Variants in CNTN5 observed in about 807,000 individuals in gnomAD.
The protein encoded by CNTN5 is contactin-5.
CNTN5 carries 77 observed loss-of-function variants against 129.1 expected under a neutral mutation model. The observed-to-expected ratio is 0.60, with a 90% CI of 0.50 to 0.72. The LOEUF is 0.72. Ranked by LOEUF, CNTN5 falls within the 30% of genes least tolerant of loss-of-function variation. The pLI is 0.00. For synonymous variants in CNTN5, 509 were observed against 465.6 expected (o/e 1.09, Z -1.20); for missense variants, 1,478 against 1,328.8 (o/e 1.11, Z -1.75).
intron 2 of CNTN5, among the ~76,000 whole-genome samples, chr11:99,339,123 A>G (rs1866395071): frequency 6.6e-6 from 1 of 151,628 alleles, no homozygotes; most frequent in Admixed American, 6.6e-5. Context: ...GCATGCCTAT[A>G]TTACAACATC....
intron 17 of CNTN5, among the ~76,000 whole-genome samples, chr11:100,268,494 G>C (rs1217749344): frequency 6.6e-6 from 1 of 152,044 alleles, no homozygotes; most frequent in Non-Finnish European, 1.5e-5. Flanking sequence ...GAAAATAAAG[G>C]AATAAAGCCT....
At chr11:99,744,023 A>G (rs2135174553) in intron 3 of CNTN5, among the ~76,000 whole-genome samples, 1 of 152,278 alleles carries the variant, frequency 6.6e-6, no homozygotes, top group East Asian at 1.9e-4. Context: ...GCAATGTGAA[A>G]AATTTCAACC....
chr11:100,196,030 G>A (rs1329023319), intron 15 of CNTN5, among the ~76,000 whole-genome samples: 1 of 151,976 alleles, frequency 6.6e-6, no homozygotes, highest in Non-Finnish European at 1.5e-5. Flanking sequence ...ATGGGGCTGA[G>A]AAGAGAGCCA....
chr11:99,975,397 G>GT lies in CNTN5; in HGVS notation c.877+18389dup, dbSNP rs550179752. On this transcript the variant is annotated intron_variant, in intron 8 of 24. Coordinates refer to ENST00000524871, the MANE Select transcript of CNTN5 (RefSeq NM_014361.4). ...GAAAGGGAGCATTTACCCAGTGCCT[G>GT]TACCCATATTGTGAGCTCTAAGCTT... Among the ~76,000 whole-genome samples, 6 of 152,144 alleles carry GT rather than the reference G, an allele frequency of 3.9e-5. No individual in the cohort carries two copies. The South Asian group carries it at 1.0e-3, about 26-fold the overall frequency.
At chr11:99,916,556 C>T (rs184046354) in intron 7 of CNTN5, among the ~76,000 whole-genome samples, 1 of 152,238 alleles carries the variant, frequency 6.6e-6, no homozygotes. Context: ...GTTTATGGTG[C>T]TCTTTGCCAC....
chr11:99,789,507 A>G lies in CNTN5; in HGVS notation c.56-30037A>G, dbSNP rs148872284. Among the ~76,000 whole-genome samples the G allele has an allele frequency of 2.6e-3, 396 of 152,174 alleles. 1 individual carries two copies. Among genetic ancestry groups the G allele is most frequent in the Non-Finnish European group, 2.8e-3 (190 of 67,890 alleles). On this transcript the variant is annotated intron_variant, in intron 3 of 24. Coordinates refer to ENST00000524871, the MANE Select transcript of CNTN5 (RefSeq NM_014361.4). Reference sequence around the variant, plus strand: ...CTATCATGGAATAAACTGACAAAATATTGCATACCTTACTGTAGATGTAAT... The same window carrying G: ...CTATCATGGAATAAACTGACAAAATGTTGCATACCTTACTGTAGATGTAAT...
chr11:99,518,605 G>A (rs1947149669), intron 2 of CNTN5, among the ~76,000 whole-genome samples: 1 of 151,980 alleles, frequency 6.6e-6, no homozygotes, highest in African/African-American at 2.4e-5. Context: ...GTTCTCCAGG[G>A]CAATATGGCA....
At chr11:99,306,720 C>A (rs1325901593) in intron 1 of CNTN5, among the ~76,000 whole-genome samples, 1 of 148,668 alleles carries the variant, frequency 6.7e-6, no homozygotes, top group Non-Finnish European at 1.5e-5. Context: ...GGCGACAGAG[C>A]AAGACTCCGT....
chr11:99,757,010 A>G (rs1039405342), intron 3 of CNTN5, among the ~76,000 whole-genome samples: 1 of 151,840 alleles, frequency 6.6e-6, no homozygotes, highest in Admixed American at 6.6e-5. Context: ...TGTCATATAT[A>G]TCACAATATG....
chr11:99,946,249 A>C (rs1185287717), intron 7 of CNTN5, among the ~76,000 whole-genome samples: 1 of 152,284 alleles, frequency 6.6e-6, no homozygotes, highest in South Asian at 2.1e-4. Context: ...CCTGGGTTCC[A>C]AGAAAATTAT....
chr11:99,099,058 G>A (rs957783420), intron 1 of CNTN5, among the ~76,000 whole-genome samples: 3 of 152,070 alleles, frequency 2.0e-5, no homozygotes, highest in African/African-American at 7.2e-5. Flanking sequence ...ACTACAAAAT[G>A]GCTTATTTTG....
chr11:99,615,262 G>A (rs1317013165), intron 3 of CNTN5, among the ~76,000 whole-genome samples: 1 of 151,728 alleles, frequency 6.6e-6, no homozygotes, highest in Admixed American at 6.6e-5. Context: ...TTGTTATTGG[G>A]CTCTAATTGT....
At chr11:100,327,507 G>A (rs34844237) in intron 21 of CNTN5, among the ~76,000 whole-genome samples, 23 of 152,080 alleles carry the variant, frequency 1.5e-4, no homozygotes, top group South Asian at 4.1e-4. Context: ...CCCTGCCCAC[G>A]GAGTCCTATC....
chr11:99,216,211 T>C (rs887344635), intron 1 of CNTN5, among the ~76,000 whole-genome samples: 3 of 152,144 alleles, frequency 2.0e-5, no homozygotes, highest in Non-Finnish European at 4.4e-5. Flanking sequence ...ATAAGTCCAG[T>C]ATTTTTTAGT....
At chr11:99,682,939 T>G (rs1180425312) in intron 3 of CNTN5, among the ~76,000 whole-genome samples, 1 of 151,868 alleles carries the variant, frequency 6.6e-6, no homozygotes, top group Non-Finnish European at 1.5e-5. Context: ...ATACAGAACA[T>G]AAACTTCAGT....
intron 13 of CNTN5, among the ~76,000 whole-genome samples, chr11:100,165,152 T>C (rs1304443473): frequency 6.6e-6 from 1 of 151,674 alleles, no homozygotes; most frequent in East Asian, 1.9e-4. Flanking sequence ...GAGGCAATTT[T>C]GGAAACATTA....
intron 9 of CNTN5, among the ~76,000 whole-genome samples, chr11:100,043,124 C>T (rs1591117816): frequency 1.3e-5 from 2 of 152,134 alleles, no homozygotes; most frequent in South Asian, 4.1e-4. Flanking sequence ...TAAAATCTTA[C>T]TATGCTCTCA....
chr11:100,294,493 C>G (rs181578000), intron 18 of CNTN5, among the ~76,000 whole-genome samples: 1 of 151,718 alleles, frequency 6.6e-6, no homozygotes, highest in Admixed American at 6.6e-5. Flanking sequence ...GAGCTTTGCT[C>G]AGAAAGAAAT....
chr11:99,473,641 A>T (rs904521999), intron 2 of CNTN5, among the ~76,000 whole-genome samples: 9 of 151,630 alleles, frequency 5.9e-5, no homozygotes, highest in South Asian at 2.1e-4. Flanking sequence ...ATTTTTTTTT[A>T]AATTTTTACA....
Sources: gnomAD v4.1 joint callset for allele counts (sites outside exome capture counted in the v4.1 genomes callset) on GRCh38, gnomAD v4.1.1 for gene constraint, MANE v1.5 for transcripts, NCBI Gene and HGNC (gene_info 2026-07-23, HGNC 2026-07-21) for gene names.